CCDC192: variants seen among roughly 807,000 people sequenced by gnomAD.
CCDC192 encodes coiled-coil domain containing 192.
chr5:127,931,007 A>G (rs1034845656), intron 6 of CCDC192, among the ~76,000 whole-genome samples: 1 of 152,254 alleles, frequency 6.6e-6, no homozygotes, highest in African/African-American at 2.4e-5. Context: ...TACTGTTCTT[A>G]TCAGTCTTCT....
At chr5:127,738,904 C>T (rs993783169) in intron 2 of CCDC192, among the ~76,000 whole-genome samples, 2 of 151,650 alleles carry the variant, frequency 1.3e-5, no homozygotes, top group Non-Finnish European at 3.0e-5. Context: ...GTAATTTGAT[C>T]GTCTGAAGCC....
chr5:127,780,041 G>A (rs1330281416), intron 3 of CCDC192, among the ~76,000 whole-genome samples: 1 of 151,986 alleles, frequency 6.6e-6, no homozygotes, highest in Non-Finnish European at 1.5e-5. Flanking sequence ...TCTCATCCAG[G>A]TTGCTGCAAA....
chr5:127,902,744 G>A (rs964576811), intron 6 of CCDC192, among the ~76,000 whole-genome samples: 4 of 152,160 alleles, frequency 2.6e-5, no homozygotes, highest in Non-Finnish European at 5.9e-5. Context: ...AACCTCCTGG[G>A]CAATTAGCAG....
chr5:127,927,739 T>A (rs1336914591), intron 6 of CCDC192, among the ~76,000 whole-genome samples: 2 of 152,172 alleles, frequency 1.3e-5, no homozygotes, highest in Admixed American at 1.3e-4. Context: ...AACCCTCAGT[T>A]GCCCTTAGTT....
intron 3 of CCDC192, among the ~76,000 whole-genome samples, chr5:127,784,278 C>T (rs1465013493): frequency 6.6e-6 from 1 of 152,142 alleles, no homozygotes; most frequent in African/African-American, 2.4e-5. Context: ...AAAGTGCTGC[C>T]AATATGACAA....
intron 5 of CCDC192, among the ~76,000 whole-genome samples, chr5:127,798,839 G>A (rs547475161): frequency 7.2e-4 from 110 of 151,752 alleles, no homozygotes; most frequent in African/African-American, 2.5e-3. Context: ...GCAAGTACTC[G>A]CCTGAGAGAG....
intron 3 of CCDC192, among the ~76,000 whole-genome samples, chr5:127,788,938 C>T (rs1447308164): frequency 6.6e-6 from 1 of 152,016 alleles, no homozygotes; most frequent in Non-Finnish European, 1.5e-5. Context: ...AATTATTGCC[C>T]TTATAAGAAG....
At chr5:127,762,929 TAGGC>T (rs1222832318) in intron 3 of CCDC192, among the ~76,000 whole-genome samples, 1 of 152,260 alleles carries the variant, frequency 6.6e-6, no homozygotes, top group African/African-American at 2.4e-5. Flanking sequence ...TACTATGAGC[TAGGC>T]ATTCTGTTTG....
intron 2 of CCDC192, among the ~76,000 whole-genome samples, chr5:127,723,048 T>C (rs1366992583): frequency 1.3e-5 from 2 of 152,230 alleles, no homozygotes; most frequent in Non-Finnish European, 2.9e-5. Context: ...CTTTGGGCAG[T>C]ATGGACATTT....
chr5:127,846,283 G>A (rs190431217), intron 5 of CCDC192, among the ~76,000 whole-genome samples: 1 of 95,384 alleles, frequency 1.0e-5, no homozygotes, highest in African/African-American at 4.6e-5. Flanking sequence ...AGCAAGACTC[G>A]GTCTCAAAAA....
intron 5 of CCDC192, among the ~76,000 whole-genome samples, chr5:127,853,166 A>T (rs1750878361): frequency 6.6e-6 from 1 of 152,140 alleles, no homozygotes; most frequent in Non-Finnish European, 1.5e-5. Flanking sequence ...TGTCCACCAG[A>T]ATATTCTACC....
At chr5:127,891,576 T>C (rs1752733460) in intron 6 of CCDC192, among the ~76,000 whole-genome samples, 1 of 152,234 alleles carries the variant, frequency 6.6e-6, no homozygotes, top group African/African-American at 2.4e-5. Context: ...GATGTACTTA[T>C]TTGCCTCATC....
rs1425075026 is a variant in CCDC192, at chr5:127,719,502, CAT to C, written c.114+11744_114+11745del. On this transcript the variant is annotated intron_variant, in intron 2 of 6. Transcript: ENST00000514853. Reference sequence around the variant, plus strand: ...ATATATATATATATATATACACACACATACATATATATATATATATATACACA... The same window carrying C: ...ATATATATATATATATATACACACACACATATATATATATATATATACACA... Among the ~76,000 whole-genome samples, 37 of 60,778 alleles carry C rather than the reference CAT, an allele frequency of 6.1e-4. 2 individuals carry two copies. Among genetic ancestry groups the C allele is most frequent in the South Asian group, 4.9e-3 (8 of 1,636 alleles). The allele number at this position is 60,778 out of a possible 152,430, so 39.9% of individuals were successfully genotyped here.
intron 2 of CCDC192, among the ~76,000 whole-genome samples, chr5:127,749,639 G>A (rs1754008287): frequency 6.6e-6 from 1 of 152,024 alleles, no homozygotes; most frequent in African/African-American, 2.4e-5. Context: ...AAATGAGTTA[G>A]GGAGGATTCC....
chr5:127,734,262 C>G (rs1406782220), intron 2 of CCDC192, among the ~76,000 whole-genome samples: 1 of 151,824 alleles, frequency 6.6e-6, no homozygotes, highest in Admixed American at 6.6e-5. Context: ...GAACTCATCA[C>G]TTTTTATGGC....
intron 6 of CCDC192, among the ~76,000 whole-genome samples, chr5:127,878,525 G>A (rs1005740672): frequency 2.0e-5 from 3 of 152,150 alleles, no homozygotes; most frequent in African/African-American, 7.2e-5. Context: ...GCATGGTGAT[G>A]CATCCCTGTA....
chr5:127,902,606 A>T (rs1370284886), intron 6 of CCDC192, among the ~76,000 whole-genome samples: 2 of 152,214 alleles, frequency 1.3e-5, no homozygotes. Context: ...GATGAATCTG[A>T]TGTTGGACTA....
intron 3 of CCDC192, among the ~76,000 whole-genome samples, chr5:127,769,391 T>C (rs890447177): frequency 6.6e-6 from 1 of 151,762 alleles, no homozygotes; most frequent in African/African-American, 2.4e-5. Flanking sequence ...CAATATCAAA[T>C]AGGTTGTTGG....
At chr5:127,788,291 A>C (rs1032222632) in intron 3 of CCDC192, among the ~76,000 whole-genome samples, 2 of 152,088 alleles carry the variant, frequency 1.3e-5, no homozygotes, top group Non-Finnish European at 2.9e-5. Context: ...TTTTATAAAA[A>C]TTTTTGACAA....
Sources: allele counts gnomAD v4.1 joint callset (sites outside exome capture counted in the v4.1 genomes callset), GRCh38; gene constraint gnomAD v4.1.1; transcripts MANE v1.5; gene names NCBI Gene and HGNC (gene_info 2026-07-23, HGNC 2026-07-21).